Variants in PMS2 observed in about 807,000 individuals in gnomAD.
PMS2 encodes mismatch repair endonuclease PMS2.
Under a neutral mutation model 90.0 loss-of-function variants are expected in PMS2, and 69 were observed. That is an observed-to-expected ratio of 0.77 (90% CI 0.63 to 0.94). The LOEUF is 0.94. Among genes scored for constraint, PMS2 ranks in the 40% least tolerant of loss-of-function variants. PMS2 has a pLI of 0.00. For missense variants in PMS2, 966 were observed against 1,040.2 expected (o/e 0.93, Z 0.98); for synonymous variants, 332 against 375.1 (o/e 0.89, Z 1.33).
In PMS2 at chr7:5,987,012, G is replaced by A. The variant is rs63750947; in HGVS notation, c.1753C>T (p.Leu585Phe). The change falls in exon 11 of 15, where the codon CTT becomes TTT. Residue 585 changes from leucine to phenylalanine, a missense_variant. Coordinates refer to ENST00000265849, the MANE Select transcript of PMS2 (RefSeq NM_000535.7). The part of the protein sequence containing the change: ...NTKRFKKEEI[L>F]SSSDICQKLV... ...TTTTGACAAATGTCAGAACTGGAAA[G>A]AATTTCTTCTTTTTTAAAACGCTTT... 2 of 1,614,162 alleles carry A rather than the reference G, an allele frequency of 1.2e-6. No individual in the cohort carries two copies. The highest frequency in any genetic ancestry group is 2.2e-5 in the East Asian group (1 of 44,886).
intron 8 of PMS2, among the ~76,000 whole-genome samples, chr7:5,992,447 G>C (rs541820113): frequency 2.6e-5 from 4 of 151,978 alleles, no homozygotes; most frequent in Non-Finnish European, 5.9e-5. Context: ...AGCCTCCAGA[G>C]TAGCTGGGAT....
At chr7:5,983,571 A>G (rs1237703597) in intron 11 of PMS2, among the ~76,000 whole-genome samples, 3 of 151,842 alleles carry the variant, frequency 2.0e-5, no homozygotes, top group Admixed American at 6.5e-5. Context: ...ATGGAATCTT[A>G]ATTCTCCATT....
rs183115951 is a variant in PMS2, at chr7:5,986,561, G to A, written c.2006+198C>T. Among the ~76,000 whole-genome samples the A allele has an allele frequency of 7.6e-3, 1,154 of 151,120 alleles. 11 individuals carry two copies. Among genetic ancestry groups the A allele is most frequent in the African/African-American group, 0.027 (1,106 of 41,090 alleles). Reference sequence around the variant, plus strand: ...ATAAAAATTAGCCAGGCATGGTGGCGTGCACCTGTAATCCCAGCTACTCAG... The same window carrying A: ...ATAAAAATTAGCCAGGCATGGTGGCATGCACCTGTAATCCCAGCTACTCAG... On this transcript the variant is annotated intron_variant, in intron 11 of 14. Coordinates refer to ENST00000265849, the MANE Select transcript of PMS2 (RefSeq NM_000535.7).
At chr7:5,991,336 T>C (rs1783705434) in intron 9 of PMS2, among the ~76,000 whole-genome samples, 1 of 151,836 alleles carries the variant, frequency 6.6e-6, no homozygotes, top group Non-Finnish European at 1.5e-5. Context: ...TACATATGTG[T>C]TTCTAAGTAT....
At chr7:5,985,072 A>G (rs1349474434) in intron 11 of PMS2, among the ~76,000 whole-genome samples, 1 of 151,504 alleles carries the variant, frequency 6.6e-6, no homozygotes, top group Non-Finnish European at 1.5e-5. Flanking sequence ...ATCAATCAAG[A>G]GACAAAAACC....
intron 9 of PMS2, among the ~76,000 whole-genome samples, chr7:5,990,211 T>A (rs79815075): frequency 0.052 from 7,852 of 152,274 alleles, 517 homozygotes; most frequent in East Asian, 0.34. Context: ...TTTCACCGTG[T>A]TGGCCAGGCT....
intron 10 of PMS2, among the ~76,000 whole-genome samples, chr7:5,988,975 C>T (rs541537115): frequency 4.6e-4 from 70 of 152,172 alleles, no homozygotes; most frequent in Middle Eastern, 6.8e-3. Context: ...CCTGAGTCAG[C>T]CTCCTGAGTA....
rs761498916 is a variant in PMS2 at position 6,009,049 on chromosome 7, T to A, written c.-30A>T. 2 of 1,612,032 alleles carry A rather than the reference T, an allele frequency of 1.2e-6. No individual in the cohort carries two copies. The highest frequency in any genetic ancestry group is 1.7e-6 in the Non-Finnish European group (2 of 1,179,542). The stretch of plus-strand genomic sequence containing the variant: ...GCAACACCCGATCCGCCTCGGGGAC[T>A]GGGAAAGTTCCCTCCAGGGCTCCCA... On this transcript the variant is annotated 5_prime_UTR_variant, in exon 1 of 15. Transcript: ENST00000265849.
Position 5,982,275 on chromosome 7 carries a change from G to A in PMS2, c.2174+549C>T, listed in dbSNP as rs1487761622. ...GGCTGGAGTGCGATGGCACGAACTCGGCTCGCTGCAAACTCCGCCTCCCGG... is the reference window on the plus strand; with the variant it reads ...GGCTGGAGTGCGATGGCACGAACTCAGCTCGCTGCAAACTCCGCCTCCCGG... On this transcript the variant is annotated intron_variant, in intron 12 of 14. Coordinates refer to ENST00000265849, the MANE Select transcript of PMS2 (RefSeq NM_000535.7). Among the ~76,000 whole-genome samples the A allele has an allele frequency of 3.9e-5, 6 of 151,988 alleles. No homozygotes were observed. In the East Asian group the frequency reaches 5.8e-4, roughly 15 times the overall value.
chr7:5,977,074 A>G (rs1458108231), intron 14 of PMS2, among the ~76,000 whole-genome samples: 1 of 147,880 alleles, frequency 6.8e-6, no homozygotes, highest in African/African-American at 2.5e-5. Flanking sequence ...TGTTTTTTTG[A>G]GACGGAGTCT....
In PMS2 at chr7:5,999,191, G is replaced by C. The variant is rs1784808623; in HGVS notation, c.622C>G (p.Gln208Glu). ...CATACCACAGGCTGTCGTTTTCCTT[G>C]TCCAAGCTGATTGGTGCAACTTACA... Reference protein sequence around the residue: ...IRVSCTNQLGQGKRQPVVCTG... With the variant: ...IRVSCTNQLGEGKRQPVVCTG... The change falls in exon 6 of 15, where the codon CAA (glutamine) becomes GAA (glutamate). Residue 208 changes from glutamine to glutamate, a missense_variant. Transcript: ENST00000265849. The C allele has an allele frequency of 6.2e-7, 1 of 1,613,960 alleles. No homozygotes were observed. Among genetic ancestry groups the C allele is most frequent in the East Asian group, 2.2e-5 (1 of 44,872 alleles).
In PMS2 at chr7:5,989,794, T is replaced by C. The variant is rs990022128; in HGVS notation, c.1144+6A>G. 1.2e-6 allele frequency: 2 copies of C among 1,609,312 alleles called. No individual in the cohort carries two copies. The highest frequency in any genetic ancestry group is 2.2e-5 in the South Asian group (2 of 90,848). ...AGAAGCTGTTTGTACACTGTATTTTTCTTACCTTCAACATCCAGCAGTGGC... is the reference window on the plus strand; with the variant it reads ...AGAAGCTGTTTGTACACTGTATTTTCCTTACCTTCAACATCCAGCAGTGGC... On this transcript the variant is annotated splice_donor_region_variant and intron_variant, in intron 10 of 14. Coordinates refer to ENST00000265849, the MANE Select transcript of PMS2 (RefSeq NM_000535.7).
chr7:5,989,460 A>T (rs1271858865), intron 10 of PMS2, among the ~76,000 whole-genome samples: 1 of 151,956 alleles, frequency 6.6e-6, no homozygotes, highest in Non-Finnish European at 1.5e-5. Flanking sequence ...CAAGGGAGTT[A>T]AAAATGCAGT....
At chr7:6,001,998 A>C (rs1785136880) in intron 5 of PMS2, 1 of 151,646 alleles carries the variant, frequency 6.6e-6, no homozygotes, top group Non-Finnish European at 1.5e-5. Context: ...ATCTCAAAAA[A>C]AGATAAAAAT....
chr7:5,995,651 G>A lies in PMS2; in HGVS notation c.804-18C>T, dbSNP rs749782840. The A allele has an allele frequency of 1.3e-6, 2 of 1,507,890 alleles. No homozygotes were observed. Among genetic ancestry groups the A allele is most frequent in the East Asian group, 2.3e-5 (1 of 44,420 alleles). 93.4% of individuals were successfully genotyped at this position (1,507,890 alleles called of 1,614,324 possible). ...CTGAGATGCTATTCAACATTAATAT[G>A]GTAAGGGCAGGATTCCAGAGTGAAA... is the stretch of plus-strand genomic sequence containing the variant. On this transcript the variant is annotated intron_variant, in intron 7 of 14. Transcript: ENST00000265849.
chr7:5,993,645 G>A (rs990810245), intron 8 of PMS2, among the ~76,000 whole-genome samples: 16 of 151,294 alleles, frequency 1.1e-4, no homozygotes, highest in Non-Finnish European at 1.5e-4. Context: ...GGTGGATCAC[G>A]AGGTCAGGAG....
chr7:6,000,167 G>T (rs755330638), intron 5 of PMS2, among the ~76,000 whole-genome samples: 1 of 151,848 alleles, frequency 6.6e-6, no homozygotes, highest in African/African-American at 2.4e-5. Context: ...TTGAGCCCAC[G>T]AGTTCGAGAC....
chr7:5,985,645 C>G (rs1473050552), intron 11 of PMS2, among the ~76,000 whole-genome samples: 1 of 151,134 alleles, frequency 6.6e-6, no homozygotes, highest in African/African-American at 2.4e-5. Flanking sequence ...CCTCCACCTC[C>G]CGGGTTCAAG....
chr7:6,001,736 C>T (rs544320665), intron 5 of PMS2, among the ~76,000 whole-genome samples: 1 of 152,116 alleles, frequency 6.6e-6, no homozygotes, highest in East Asian at 2.0e-4. Flanking sequence ...GTAATCCCAG[C>T]ACTTTGAGAG....
Sources: allele counts gnomAD v4.1 joint callset (sites outside exome capture counted in the v4.1 genomes callset), GRCh38; gene constraint gnomAD v4.1.1; transcripts MANE v1.5; gene names NCBI Gene and HGNC (gene_info 2026-07-23, HGNC 2026-07-21).